The following OOSP3 variants were observed in gnomAD, a reference collection of about 807,000 sequenced individuals.
OOSP3 encodes oocyte secreted protein family member 3.
intron 1 of OOSP3, among the ~76,000 whole-genome samples, chr11:59,879,681 C>T (rs1328201052): frequency 3.3e-5 from 5 of 152,186 alleles, no homozygotes; most frequent in African/African-American, 4.8e-5. Flanking sequence ...GACAGACTTA[C>T]CACACAAGGT....
At chr11:59,892,096 T>C (rs752299289) in intron 2 of OOSP3, among the ~76,000 whole-genome samples, 30 of 152,236 alleles carry the variant, frequency 2.0e-4, no homozygotes, top group Middle Eastern at 3.2e-3. Flanking sequence ...CCTGAGCGGC[T>C]GCTGACCTGA....
chr11:59,891,107 G>T (rs1193000386), intron 2 of OOSP3, among the ~76,000 whole-genome samples: 6 of 152,130 alleles, frequency 3.9e-5, no homozygotes, highest in Non-Finnish European at 8.8e-5. Flanking sequence ...TTCTTGTGCT[G>T]TGTTTTTCAG....
exon 5 of OOSP3, chr11:59,896,421 T>C: frequency 2.8e-6 from 1 of 351,886 alleles, no homozygotes; most frequent in Non-Finnish European, 5.1e-6. Flanking sequence ...TATAATACAA[T>C]GTCTATGTAT....
At chr11:59,893,146 G>A (rs1450579785) in intron 2 of OOSP3, among the ~76,000 whole-genome samples, 2 of 152,038 alleles carry the variant, frequency 1.3e-5, no homozygotes, top group Admixed American at 6.5e-5. Context: ...CAACGCAATG[G>A]GAAAATAATC....
chr11:59,889,391 G>A (rs908400742), intron 2 of OOSP3, among the ~76,000 whole-genome samples: 3 of 151,964 alleles, frequency 2.0e-5, no homozygotes, highest in Non-Finnish European at 2.9e-5. Context: ...TTTGATGTTA[G>A]GGTGTTAATT....
chr11:59,879,430 T>G (rs1254565141), intron 1 of OOSP3, among the ~76,000 whole-genome samples: 1 of 152,194 alleles, frequency 6.6e-6, no homozygotes, highest in Non-Finnish European at 1.5e-5. Context: ...TTTTCTCATC[T>G]AAACTATATA....
At chr11:59,885,021 C>T (rs2134526976) in intron 2 of OOSP3, among the ~76,000 whole-genome samples, 1 of 152,252 alleles carries the variant, frequency 6.6e-6, no homozygotes, top group Admixed American at 6.5e-5. Context: ...TTCACAGGTG[C>T]TCTTAATCAG....
chr11:59,891,550 G>A (rs1380552338), intron 2 of OOSP3, among the ~76,000 whole-genome samples: 1 of 152,116 alleles, frequency 6.6e-6, no homozygotes, highest in Non-Finnish European at 1.5e-5. Flanking sequence ...GCAGTTTCTG[G>A]GGGTTCACTT....
intron 2 of OOSP3, among the ~76,000 whole-genome samples, chr11:59,890,230 A>G (rs1449662561): frequency 2.6e-5 from 4 of 152,094 alleles, no homozygotes; most frequent in Admixed American, 1.3e-4. Context: ...CTTTTTATCC[A>G]GCTTGCCATT....
rs1006929381 is a variant in OOSP3, at chr11:59,894,470, T to C, written c.350+294T>C. 5.9e-5 allele frequency among the ~76,000 whole-genome samples: 9 copies of C among 152,294 alleles called. No individual in the cohort carries two copies. In the South Asian group the frequency reaches 1.9e-3, roughly 32 times the overall value. ...GAAATTTAACAAATACTTCCCACTC[T>C]CATGATTCAGTGATTTGGGGGCATG... On this transcript the variant is annotated intron_variant, in intron 3 of 4. Coordinates refer to ENST00000646438, the Ensembl canonical transcript of OOSP3.
chr11:59,887,795 C>T (rs559671334), intron 2 of OOSP3, among the ~76,000 whole-genome samples: 1 of 152,226 alleles, frequency 6.6e-6, no homozygotes, highest in African/African-American at 2.4e-5. Flanking sequence ...TTTTCGGTTC[C>T]ATATGATTTT....
At chr11:59,886,780 T>TCATTTGCC (rs1439135064) in intron 2 of OOSP3, among the ~76,000 whole-genome samples, 1 of 151,354 alleles carries the variant, frequency 6.6e-6, no homozygotes, top group Admixed American at 6.6e-5. Context: ...TCTGTTCATG[T>TCATTTGCC]CATTTGCCCA....
intron 2 of OOSP3, among the ~76,000 whole-genome samples, chr11:59,892,039 T>A (rs1853316861): frequency 6.6e-6 from 1 of 152,172 alleles, no homozygotes; most frequent in South Asian, 2.1e-4. Context: ...TCACTGGAGT[T>A]CCAGGAGCTG....
At chr11:59,884,937 C>T (rs1227490169) in intron 2 of OOSP3, among the ~76,000 whole-genome samples, 1 of 152,158 alleles carries the variant, frequency 6.6e-6, no homozygotes, top group Non-Finnish European at 1.5e-5. Flanking sequence ...GAGTGAACAT[C>T]TTTGTATTAT....
At chr11:59,884,103 G>A (rs1223113599) in intron 2 of OOSP3, among the ~76,000 whole-genome samples, 3 of 152,136 alleles carry the variant, frequency 2.0e-5, no homozygotes, top group East Asian at 1.9e-4. Context: ...GAATCTTGCC[G>A]TGGCTTAAAT....
At position 59,884,475 on chromosome 11, in the gene OOSP3, G is replaced by GTCTCTCTCTC. The variant is rs60145654; in HGVS notation, c.252+4072_252+4081dup. ...TGTCTGTCTGTCTGTCTGTCTGTCT[G>GTCTCTCTCTC]TCTCTCTCTCTCTCTCTCTCTCTCT... On this transcript the variant is annotated intron_variant, in intron 2 of 4. Coordinates refer to ENST00000646438, the Ensembl canonical transcript of OOSP3. 1.2e-3 allele frequency among the ~76,000 whole-genome samples: 136 copies of GTCTCTCTCTC among 113,864 alleles called. 2 individuals are homozygous for GTCTCTCTCTC. Among genetic ancestry groups the GTCTCTCTCTC allele is most frequent in the Admixed American group, 9.4e-3 (99 of 10,572 alleles). 74.7% of individuals were successfully genotyped at this position (113,864 alleles called of 152,430 possible). A position where few individuals can be genotyped will look rare whatever the true frequency, so the allele number is the denominator to read the frequency against.
intron 1 of OOSP3, among the ~76,000 whole-genome samples, chr11:59,879,580 A>T (rs1372290916): frequency 2.6e-5 from 4 of 152,196 alleles, no homozygotes; most frequent in Non-Finnish European, 5.9e-5. Context: ...TTGTCTAAAA[A>T]TGTTTTTTGG....
chr11:59,886,067 C>T (rs1055975159), intron 2 of OOSP3, among the ~76,000 whole-genome samples: 1 of 151,996 alleles, frequency 6.6e-6, no homozygotes, highest in African/African-American at 2.4e-5. Context: ...CTGACAAGCC[C>T]CTATGTGTGT....
chr11:59,883,614 C>T (rs1853222931), intron 2 of OOSP3, among the ~76,000 whole-genome samples: 1 of 152,196 alleles, frequency 6.6e-6, no homozygotes, highest in African/African-American at 2.4e-5. Flanking sequence ...AATTTACTCA[C>T]TTTTCAAATT....
Sources: gnomAD v4.1 joint callset for allele counts (sites outside exome capture counted in the v4.1 genomes callset) on GRCh38, gnomAD v4.1.1 for gene constraint, MANE v1.5 for transcripts, NCBI Gene and HGNC (gene_info 2026-07-23, HGNC 2026-07-21) for gene names.